NDUFA3: variants seen among roughly 807,000 people sequenced by gnomAD.
NDUFA3 encodes NADH:ubiquinone oxidoreductase subunit A3, also known as NADH dehydrogenase [ubiquinone] 1 alpha subcomplex subunit 3.
In NDUFA3, 10 loss-of-function variants were observed where a neutral mutation model predicts 11.4. That is an observed-to-expected ratio of 0.87 (90% CI 0.54 to 1.48). The LOEUF (loss-of-function observed/expected upper bound fraction) is 1.48. Among genes scored for constraint, NDUFA3 ranks in the 40% most tolerant of loss-of-function variants. The probability of loss-of-function intolerance (pLI) is 0.00; values close to 1 mark genes in which losing one functional copy is unlikely to be tolerated. For missense variants in NDUFA3, 115 were observed against 110.5 expected (o/e 1.04, Z -0.18); for synonymous variants, 39 against 46.9 (o/e 0.83, Z 0.68).
At position 54,105,264 on chromosome 19, in the gene NDUFA3, C is replaced by CTTTTTTTTTTTT. The variant is rs796770972; in HGVS notation, c.86-660_86-649dup. ...ACCCTTTCTCCTCCAGTTTGTAAGG[C>CTTTTTTTTTTTT]TTTTTTTTTTTTTTTTTTTTTGGTG... is the stretch of plus-strand genomic sequence containing the variant. On this transcript the variant is annotated intron_variant, in intron 2 of 3. Coordinates refer to ENST00000485876, the MANE Select transcript of NDUFA3 (RefSeq NM_004542.4). Among the ~76,000 whole-genome samples the CTTTTTTTTTTTT allele has an allele frequency of 6.5e-4, 46 of 71,254 alleles. 6 individuals are homozygous for CTTTTTTTTTTTT. The highest frequency in any genetic ancestry group is 2.0e-3 in the African/African-American group (33 of 16,564). The allele number at this position is 71,254 out of a possible 152,430, so 46.7% of individuals were successfully genotyped here. A position where few individuals can be genotyped will look rare whatever the true frequency, so the allele number is the denominator to read the frequency against.
chr19:54,105,935 T>G lies in NDUFA3; in HGVS notation c.87T>G (p.Ala29=). The G allele has an allele frequency of 1.2e-6, 2 of 1,612,282 alleles. No homozygotes were observed. The highest frequency in any genetic ancestry group is 1.7e-6 in the Non-Finnish European group (2 of 1,178,380). The change falls in exon 3 of 4, where the codon GCT becomes GCG. Residue 29 remains alanine (A), a splice_region_variant and synonymous_variant. Coordinates refer to ENST00000485876, the MANE Select transcript of NDUFA3 (RefSeq NM_004542.4). ...LVVSFVVGGL[A]VILPPLSPYF... is the part of the protein sequence containing the mutation. ...CCTCACCCCTGTGTCTCTCCACAGC[T>G]GTAATTCTGCCCCCATTGAGCCCCT...
At chr19:54,106,580 T>C in intron 3 of NDUFA3, 2 of 478,892 alleles carry the variant, frequency 4.2e-6, no homozygotes, top group South Asian at 4.1e-5. Flanking sequence ...TCCCCATCTC[T>C]TTTGACCCTA....
chr19:54,105,486 C>A (rs182252088), intron 2 of NDUFA3: 8 of 294,454 alleles, frequency 2.7e-5, no homozygotes, highest in Middle Eastern at 4.2e-4. Flanking sequence ...CCAGGCTGGT[C>A]GCGAACTCCT....
intron 3 of NDUFA3, chr19:54,106,460 C>T (rs1031651500): frequency 3.5e-5 from 13 of 366,424 alleles, no homozygotes; most frequent in South Asian, 1.7e-4. Context: ...TGAGCCACCG[C>T]GCCTGGCCTG....
chr19:54,106,131 C>G, intron 3 of NDUFA3, 120 bp downstream of exon 3: 1 of 847,556 alleles, frequency 1.2e-6, no homozygotes, highest in Non-Finnish European at 1.9e-6. Context: ...GGTGCCCGGA[C>G]CCCCCGTTCC....
chr19:54,104,722 A>G (rs1204539363), intron 2 of NDUFA3, among the ~76,000 whole-genome samples: 3 of 142,882 alleles, frequency 2.1e-5, no homozygotes, highest in Non-Finnish European at 3.1e-5. Flanking sequence ...TTTTGGATGT[A>G]CTATGGTTTT....
At position 54,103,176 on chromosome 19, in the gene NDUFA3, G is replaced by A. The variant is rs1168281043; in HGVS notation, c.73G>A (p.Val25Ile). 6.3e-7 allele frequency: 1 copy of A among 1,599,306 alleles called. No individual in the cohort carries two copies. Among genetic ancestry groups the A allele is most frequent in the South Asian group, 1.1e-5 (1 of 90,108 alleles). ...GCCAGTGCTGGTCGTGTCCTTCGTC[G>A]TCGGGGGCCTCGGTGCGTGAGTGCT... The part of the protein sequence containing the change: ...KEPVLVVSFV[V>I]GGLAVILPPL... Residue 25 changes from valine (V) to isoleucine (I), a missense_variant, in exon 2 of 4, where the codon GTC becomes ATC. Val to Ile is a conservative substitution (Grantham distance 29). Coordinates refer to ENST00000485876, the MANE Select transcript of NDUFA3 (RefSeq NM_004542.4).
At position 54,103,208 on chromosome 19, in the gene NDUFA3, G is replaced by A. The variant is rs771244490; in HGVS notation, c.85+20G>A. On this transcript the variant is annotated intron_variant, in intron 2 of 3. Coordinates refer to ENST00000485876, the MANE Select transcript of NDUFA3 (RefSeq NM_004542.4). The stretch of plus-strand genomic sequence containing the variant: ...GCCTCGGTGCGTGAGTGCTCCAGGC[G>A]CAAACTTGCATCGTCCACCCCCGTC... 3.2e-6 allele frequency: 5 copies of A among 1,576,840 alleles called. No individual in the cohort carries two copies. The African/African-American group carries it at 4.0e-5, about 13-fold the overall frequency.
intron 2 of NDUFA3, chr19:54,105,505 G>T (rs2146339194): frequency 3.0e-6 from 1 of 333,372 alleles, no homozygotes; most frequent in East Asian, 8.8e-5. Context: ...CTGACCTCAG[G>T]TGATCCGCCC....
intron 2 of NDUFA3, among the ~76,000 whole-genome samples, chr19:54,104,097 T>G (rs2073180939): frequency 6.7e-6 from 1 of 148,760 alleles, no homozygotes; most frequent in Admixed American, 6.8e-5. Context: ...TCTCCCAAAG[T>G]GCTGGGATTA....
In NDUFA3 at chr19:54,106,797, C is replaced by T. The variant is rs765649908; in HGVS notation, c.164-14C>T. The T allele has an allele frequency of 3.1e-6, 5 of 1,600,830 alleles. No homozygotes were observed. In the East Asian group the frequency reaches 6.7e-5, roughly 22 times the overall value. On this transcript the variant is annotated splice_polypyrimidine_tract_variant and intron_variant, in intron 3 of 3. Transcript: ENST00000485876. ...AGACGTGCTGGTCTCAGTGGCCCAC[C>T]TCCTGCCCCACAGTGCCCGTCCGTG...
Position 54,106,834 on chromosome 19 carries a change from A to G in NDUFA3, c.187A>G (p.Met63Val). Residue 63 changes from methionine to valine, a missense_variant, in exon 4 of 4, where the codon ATG becomes GTG. Physicochemically the swap from Met to Val is conservative, Grantham distance 21. Coordinates refer to ENST00000485876, the MANE Select transcript of NDUFA3 (RefSeq NM_004542.4). ...YPVPVRDDGN[M>V]PDVPSHPQDP... is the part of the protein sequence containing the mutation. ...AGTGCCCGTCCGTGATGATGGGAAC[A>G]TGCCCGACGTGCCCAGCCACCCCCA... The G allele has an allele frequency of 6.2e-7, 1 of 1,613,526 alleles. No homozygotes were observed. Among genetic ancestry groups the G allele is most frequent in the South Asian group, 1.1e-5 (1 of 90,986 alleles).
Position 54,106,897 on chromosome 19 carries a change from C to T in NDUFA3, c.250C>T (p.Leu84=), listed in dbSNP as rs139975645. The T allele has an allele frequency of 8.3e-5, 133 of 1,611,720 alleles. No homozygotes were observed. Among genetic ancestry groups the T allele is most frequent in the Non-Finnish European group, 1.0e-4 (123 of 1,179,376 alleles). The change falls in exon 4 of 4, where the codon CTG becomes TTG. Residue 84 remains leucine (L), a synonymous_variant. Transcript: ENST00000485876. ...CCCCAGCCTGGAGTGGCTGAAGAAA[C>T]TGTGAGCACCTCCACTGACAGAGGC... ...QGPSLEWLKK[L] is the part of the protein sequence containing the mutation.
At chr19:54,103,589 T>G (rs1335233098) in intron 2 of NDUFA3, among the ~76,000 whole-genome samples, 1 of 152,134 alleles carries the variant, frequency 6.6e-6, no homozygotes, top group Admixed American at 6.6e-5. Flanking sequence ...GCCTTGCTGA[T>G]TGAAAATCTC....
chr19:54,105,599 C>T (rs754863602), intron 2 of NDUFA3: 10 of 550,944 alleles, frequency 1.8e-5, no homozygotes, highest in South Asian at 1.6e-4. Context: ...TTCTCCAGAA[C>T]AGTCCCATGA....
At chr19:54,105,225 CTG>C (rs1337958724) in intron 2 of NDUFA3, among the ~76,000 whole-genome samples, 1 of 140,320 alleles carries the variant, frequency 7.1e-6, no homozygotes, top group Non-Finnish European at 1.5e-5. Context: ...TGGTCAGTGA[CTG>C]TTGTTTGTGC....
chr19:54,103,217 C>G, intron 2 of NDUFA3, 29 bp downstream of exon 2: 1 of 1,567,662 alleles, frequency 6.4e-7, no homozygotes, highest in East Asian at 2.3e-5. Flanking sequence ...CGCAAACTTG[C>G]ATCGTCCACC....
At chr19:54,105,313 G>A (rs1427536201) in intron 2 of NDUFA3, among the ~76,000 whole-genome samples, 2 of 116,766 alleles carry the variant, frequency 1.7e-5, no homozygotes, top group African/African-American at 6.6e-5. Context: ...CTGTTGCCCA[G>A]GCTGGAGTGC....
chr19:54,105,443 A>G (rs1304838697), intron 2 of NDUFA3, among the ~76,000 whole-genome samples: 1 of 151,058 alleles, frequency 6.6e-6, no homozygotes, highest in African/African-American at 2.4e-5. Context: ...TAATTTTCGT[A>G]TCTTTAGTAG....
Sources: allele counts gnomAD v4.1 joint callset (sites outside exome capture counted in the v4.1 genomes callset), GRCh38; gene constraint gnomAD v4.1.1; transcripts MANE v1.5; gene names NCBI Gene and HGNC (gene_info 2026-07-23, HGNC 2026-07-21).